The following PDE7A variants were observed in gnomAD, a reference collection of about 807,000 sequenced individuals.
PDE7A encodes the protein phosphodiesterase 7A.
In PDE7A, 39 loss-of-function variants were observed where a neutral mutation model predicts 64.3. That is an observed-to-expected ratio of 0.61 (90% confidence interval 0.47 to 0.79). The LOEUF (loss-of-function observed/expected upper bound fraction) is 0.79. Ranked by LOEUF, PDE7A falls within the 30% of genes least tolerant of loss-of-function variation. The pLI, the probability that PDE7A is intolerant of heterozygous loss-of-function variation, is 0.00. For synonymous variants in PDE7A, 203 were observed against 206.8 expected (o/e 0.98, Z 0.16); for missense variants, 470 against 582.8 (o/e 0.81, Z 1.99).
intron 1 of PDE7A, among the ~76,000 whole-genome samples, chr8:65,808,705 T>G (rs188727892): frequency 3.9e-4 from 60 of 152,330 alleles, no homozygotes; most frequent in African/African-American, 1.3e-3. Flanking sequence ...CAATTTATAT[T>G]TTCAAGAGGA....
intron 1 of PDE7A, among the ~76,000 whole-genome samples, chr8:65,801,007 G>T (rs1809972799): frequency 6.6e-6 from 1 of 152,100 alleles, no homozygotes; most frequent in African/African-American, 2.4e-5. Context: ...AATACACAGT[G>T]GCAGAATCAG....
intron 1 of PDE7A, among the ~76,000 whole-genome samples, chr8:65,816,283 A>G (rs1810398770): frequency 6.6e-6 from 1 of 152,256 alleles, no homozygotes; most frequent in South Asian, 2.1e-4. Context: ...CAAAAGGCAA[A>G]GAGGTGAAAG....
At position 65,813,641 on chromosome 8, in the gene PDE7A, T is replaced by C. The variant is rs574136023; in HGVS notation, c.138+27730A>G. On this transcript the variant is annotated intron_variant, in intron 1 of 12. Transcript: ENST00000401827. ...CTGCAAAATTCTTAGACTAAAAGAA[T>C]GAATCAAGCATTGACTTTATTTTTT... is the stretch of plus-strand genomic sequence containing the variant. 1.3e-3 allele frequency among the ~76,000 whole-genome samples: 194 copies of C among 152,340 alleles called. 2 individuals carry two copies. Among genetic ancestry groups the C allele is most frequent in the African/African-American group, 4.4e-3 (183 of 41,588 alleles).
At chr8:65,749,968 T>C (rs1307421779) in intron 3 of PDE7A, among the ~76,000 whole-genome samples, 2 of 152,214 alleles carry the variant, frequency 1.3e-5, no homozygotes, top group Non-Finnish European at 2.9e-5. Context: ...TATAACGGAC[T>C]CTTCTAACTT....
intron 1 of PDE7A, among the ~76,000 whole-genome samples, chr8:65,800,634 G>A (rs960339364): frequency 2.6e-5 from 4 of 152,116 alleles, no homozygotes; most frequent in African/African-American, 9.7e-5. Context: ...ACTGTGCCAG[G>A]TGAGTAGGCC....
At chr8:65,822,231 C>T (rs1384776307) in intron 1 of PDE7A, among the ~76,000 whole-genome samples, 1 of 152,188 alleles carries the variant, frequency 6.6e-6, no homozygotes, top group Non-Finnish European at 1.5e-5. Context: ...ACCTTGCCGT[C>T]CATCAGCTTT....
chr8:65,729,616 T>C (rs994712266), intron 7 of PDE7A, among the ~76,000 whole-genome samples: 9 of 152,064 alleles, frequency 5.9e-5, no homozygotes, highest in African/African-American at 2.2e-4. Flanking sequence ...CAGCCTGGAG[T>C]GCAGTGGTGC....
intron 1 of PDE7A, among the ~76,000 whole-genome samples, chr8:65,837,157 T>G (rs2128935554): frequency 6.6e-6 from 1 of 152,354 alleles, no homozygotes; most frequent in African/African-American, 2.4e-5. Context: ...TCCAAGGGGC[T>G]TTGAACTATT....
chr8:65,779,019 G>A (rs1809332291), intron 3 of PDE7A, among the ~76,000 whole-genome samples: 2 of 152,156 alleles, frequency 1.3e-5, no homozygotes, highest in South Asian at 4.1e-4. Flanking sequence ...ATCAGTACAT[G>A]CTATTAAGAA....
At chr8:65,813,525 T>A (rs748126223) in intron 1 of PDE7A, among the ~76,000 whole-genome samples, 1 of 152,236 alleles carries the variant, frequency 6.6e-6, no homozygotes. Flanking sequence ...TTGAAAATGA[T>A]AGCTGATTTT....
intron 1 of PDE7A, chr8:65,838,786 C>T (rs1306629955): frequency 6.6e-6 from 1 of 152,198 alleles, no homozygotes; most frequent in African/African-American, 2.4e-5. Context: ...TCAACCTTTG[C>T]TGCTGTCAGT....
chr8:65,763,562 T>C (rs1808615817), intron 3 of PDE7A, among the ~76,000 whole-genome samples: 1 of 118,752 alleles, frequency 8.4e-6, no homozygotes, highest in Non-Finnish European at 1.6e-5. Flanking sequence ...TGAAACTCCG[T>C]CTCAAAAAAA....
At chr8:65,742,007 T>C (rs1265243071) in intron 5 of PDE7A, among the ~76,000 whole-genome samples, 2 of 152,188 alleles carry the variant, frequency 1.3e-5, no homozygotes, top group African/African-American at 4.8e-5. Context: ...AAAAGCTGCA[T>C]GCAAGATACC....
In PDE7A at chr8:65,719,205, C is replaced by A; in HGVS notation, c.*85G>T. The A allele has an allele frequency of 1.1e-6, 1 of 875,708 alleles. No homozygotes were observed. Among genetic ancestry groups the A allele is most frequent in the African/African-American group, 1.7e-5 (1 of 60,572 alleles). The allele number at this position is 875,708 out of a possible 1,614,324, so 54.2% of individuals were successfully genotyped here. ...TCACTCACTTGGAAACCTTGGCAGT[C>A]AAGAGTTAAGTTCTCTCACCTCAAG... On this transcript the variant is annotated 3_prime_UTR_variant, in exon 13 of 13. Coordinates refer to ENST00000401827, the MANE Select transcript of PDE7A (RefSeq NM_001242318.3).
At chr8:65,775,397 T>G (rs1428113022) in intron 3 of PDE7A, among the ~76,000 whole-genome samples, 2 of 152,244 alleles carry the variant, frequency 1.3e-5, no homozygotes, top group African/African-American at 4.8e-5. Context: ...TTTATGAATA[T>G]AAGTATTTTT....
chr8:65,724,818 A>T lies in PDE7A; in HGVS notation c.1024T>A (p.Leu342Ile), dbSNP rs1398427149. The change falls in exon 10 of 13, where the codon TTA becomes ATA. Residue 342 changes from leucine to isoleucine, a missense_variant. By Grantham distance (5) the Leu-to-Ile change is conservative. Coordinates refer to ENST00000401827, the MANE Select transcript of PDE7A (RefSeq NM_001242318.3). ...CTGTGTCTGGTGTCTTCTAGGCATAAATCACCTCTATCCAAATGGGACCTA... is the reference window on the plus strand; with the variant it reads ...CTGTGTCTGGTGTCTTCTAGGCATATATCACCTCTATCCAAATGGGACCTA... ...LFRSHLDRGD[L>I]CLEDTRHRHL... 2 of 1,612,014 alleles carry T rather than the reference A, an allele frequency of 1.2e-6. No individual in the cohort carries two copies. The highest frequency in any genetic ancestry group is 1.7e-6 in the Non-Finnish European group (2 of 1,178,708).
At chr8:65,823,979 TACTAAGTTGACA>T (rs1226024819) in intron 1 of PDE7A, among the ~76,000 whole-genome samples, 1 of 151,478 alleles carries the variant, frequency 6.6e-6, no homozygotes, top group African/African-American at 2.4e-5. Context: ...GATATAAAAA[TACTAAGTTGACA>T]ACAAAAACAA....
At position 65,724,106 on chromosome 8, in the gene PDE7A, T is replaced by A; in HGVS notation, c.1162+149A>T. ...TTTCAAAACAGATGCTCAATTTGTA[T>A]TGATTAGATGTATATCTATTGTGAA... is the stretch of plus-strand genomic sequence containing the variant. On this transcript the variant is annotated intron_variant, in intron 11 of 12. Transcript: ENST00000401827. The A allele has an allele frequency of 1.5e-5, 8 of 536,138 alleles. No individual in the cohort carries two copies. The South Asian group carries it at 2.1e-4, about 14-fold the overall frequency. The allele number at this position is 536,138 out of a possible 1,614,324, so 33.2% of individuals were successfully genotyped here.
chr8:65,775,063 A>C (rs1323623990), intron 3 of PDE7A, among the ~76,000 whole-genome samples: 1 of 152,216 alleles, frequency 6.6e-6, no homozygotes, highest in Non-Finnish European at 1.5e-5. Context: ...TGGATCATAC[A>C]AGTGTTCAAA....
Sources: allele counts gnomAD v4.1 joint callset (sites outside exome capture counted in the v4.1 genomes callset), GRCh38; gene constraint gnomAD v4.1.1; transcripts MANE v1.5; gene names NCBI Gene and HGNC (gene_info 2026-07-23, HGNC 2026-07-21).